Variants in TMEM273 observed in about 807,000 individuals in gnomAD.
TMEM273 encodes the protein transmembrane protein 273, also known as chromosome 10 open reading frame 128.
TMEM273 carries 19 observed loss-of-function variants against 17.9 expected under a neutral mutation model. That is an observed-to-expected ratio of 1.06 (90% confidence interval 0.74 to 1.55). The LOEUF (loss-of-function observed/expected upper bound fraction) is 1.55, where lower values mean the gene tolerates loss of function less well. Ranked by LOEUF, TMEM273 falls within the 40% of genes most tolerant of loss-of-function variation. The pLI is 0.00. For missense variants in TMEM273, 194 were observed against 155.6 expected, an observed-to-expected ratio of 1.25 and a Z score of -1.31; for synonymous variants, 66 against 62.0, an observed-to-expected ratio of 1.07 and a Z score of -0.31.
chr10:49,175,662 G>A (rs996904124), intron 1 of TMEM273, among the ~76,000 whole-genome samples: 3 of 152,256 alleles, frequency 2.0e-5, no homozygotes, highest in Admixed American at 1.3e-4. Flanking sequence ...TGGAGGCGGA[G>A]AGCTGGCCTG....
chr10:49,161,334 C>T, intron 6 of TMEM273: 4 of 546,136 alleles, frequency 7.3e-6, no homozygotes, highest in Non-Finnish European at 3.3e-6. Flanking sequence ...AAAAGTTTAC[C>T]TATCCTGTTA....
At chr10:49,179,052 T>C (rs1266965130) in intron 1 of TMEM273, among the ~76,000 whole-genome samples, 1 of 151,716 alleles carries the variant, frequency 6.6e-6, no homozygotes, top group East Asian at 1.9e-4. Flanking sequence ...CAGGCAGGAG[T>C]TCCCCAACTG....
At chr10:49,165,709 G>T in intron 4 of TMEM273, 57 bp downstream of exon 4, 6 of 1,606,544 alleles carry the variant, frequency 3.7e-6, no homozygotes, top group Non-Finnish European at 5.1e-6. Flanking sequence ...GGAGTGGCAC[G>T]GTCAAGACAG....
At chr10:49,168,990 A>C (rs1315611216) in intron 1 of TMEM273, among the ~76,000 whole-genome samples, 1 of 147,806 alleles carries the variant, frequency 6.8e-6, no homozygotes, top group Non-Finnish European at 1.5e-5. Context: ...TGCCATTCGC[A>C]AAATGAGGAA....
At chr10:49,156,585 T>C (rs1174143346) in intron 6 of TMEM273, among the ~76,000 whole-genome samples, 1 of 152,228 alleles carries the variant, frequency 6.6e-6, no homozygotes. Context: ...AATAGAATGG[T>C]ATATATGCTT....
intron 1 of TMEM273, among the ~76,000 whole-genome samples, chr10:49,185,921 T>C (rs1847637497): frequency 6.6e-6 from 1 of 151,120 alleles, no homozygotes. Flanking sequence ...GAGGTTGCGG[T>C]GAGCCGAGAT....
Position 49,155,527 on chromosome 10 carries a change from G to A in TMEM273, c.*365C>T, listed in dbSNP as rs1020406156. 1.9e-5 allele frequency: 6 copies of A among 315,930 alleles called. No homozygotes were observed. Among genetic ancestry groups the A allele is most frequent in the South Asian group, 1.4e-4 (3 of 20,696 alleles). The allele number at this position is 315,930 out of a possible 1,614,324, so 19.6% of individuals were successfully genotyped here. On this transcript the variant is annotated 3_prime_UTR_variant, in exon 7 of 7. Coordinates refer to ENST00000374153, the MANE Select transcript of TMEM273 (RefSeq NM_001288740.3). ...TGTGTAGGAAGCTGTGTGTTGGGTC[G>A]GATTCCCCTTTTCATGAGCCATTTT... is the stretch of plus-strand genomic sequence containing the variant.
chr10:49,165,588 C>T (rs1195622914), intron 4 of TMEM273, among the ~76,000 whole-genome samples, 178 bp downstream of exon 4: 1 of 152,218 alleles, frequency 6.6e-6, no homozygotes, highest in East Asian at 1.9e-4. Flanking sequence ...TCTTGTGACA[C>T]CTGCCCACTG....
chr10:49,156,157 C>G lies in TMEM273; in HGVS notation c.373-248G>C, dbSNP rs753479358. The stretch of plus-strand genomic sequence containing the variant: ...CCCAAGGCAAACAAAACTTCATCCA[C>G]TTTGATGACAAAAAGAGAAGTCATT... On this transcript the variant is annotated intron_variant, in intron 6 of 6. Coordinates refer to ENST00000374153, the MANE Select transcript of TMEM273 (RefSeq NM_001288740.3). 6 of 1,521,614 alleles carry G rather than the reference C, an allele frequency of 3.9e-6. No individual in the cohort carries two copies. In the South Asian group the frequency reaches 7.2e-5, roughly 18 times the overall value. The allele number at this position is 1,521,614 out of a possible 1,614,324, so 94.3% of individuals were successfully genotyped here.
intron 1 of TMEM273, among the ~76,000 whole-genome samples, chr10:49,182,095 T>C (rs1327808609): frequency 6.6e-6 from 1 of 152,250 alleles, no homozygotes; most frequent in African/African-American, 2.4e-5. Context: ...TTTCAGCCTC[T>C]TCCTTGACCT....
At chr10:49,160,345 G>GTA (rs1845766708) in intron 6 of TMEM273, 1 of 152,058 alleles carries the variant, frequency 6.6e-6, no homozygotes. Flanking sequence ...TCACTTCATG[G>GTA]TATTTCTGAC....
chr10:49,186,436 G>A (rs553369230), intron 1 of TMEM273, among the ~76,000 whole-genome samples: 2 of 152,230 alleles, frequency 1.3e-5, no homozygotes, highest in African/African-American at 2.4e-5. Context: ...CTGGGTGAAG[G>A]GTTATGAACA....
intron 1 of TMEM273, among the ~76,000 whole-genome samples, chr10:49,181,291 T>C (rs75345907): frequency 0.049 from 7,477 of 152,288 alleles, 268 homozygotes; most frequent in African/African-American, 0.064. Flanking sequence ...TCTCCCCAGA[T>C]TGATCTATAG....
Position 49,167,831 on chromosome 10 carries a change from G to A in TMEM273, c.97+78C>T, listed in dbSNP as rs537174987. On this transcript the variant is annotated intron_variant, in intron 2 of 6. Coordinates refer to ENST00000374153, the MANE Select transcript of TMEM273 (RefSeq NM_001288740.3). ...AGCAGGGAACCAATTCCAGCACTGC[G>A]GCCCTCTGCTTGCTTGTCTTGGGAG... is the stretch of plus-strand genomic sequence containing the variant. 9.3e-5 allele frequency: 145 copies of A among 1,563,800 alleles called. 1 individual carries two copies. In the South Asian group the frequency reaches 1.1e-3, roughly 12 times the overall value.
chr10:49,177,467 G>T lies in TMEM273; in HGVS notation c.44-9505C>A, dbSNP rs1014464861. Among the ~76,000 whole-genome samples the T allele has an allele frequency of 2.6e-5, 4 of 152,216 alleles. 1 individual carries two copies. In the South Asian group the frequency reaches 8.3e-4, roughly 32 times the overall value. On this transcript the variant is annotated intron_variant, in intron 1 of 6. Transcript: ENST00000374153. ...AAGATAAAAAAGAAAAAAATTCTTC[G>T]CATTTGCATTTGTGTGTGTACGTGG... is the stretch of plus-strand genomic sequence containing the variant.
chr10:49,180,950 A>G (rs1847305523), intron 1 of TMEM273, among the ~76,000 whole-genome samples: 2 of 152,250 alleles, frequency 1.3e-5, no homozygotes, highest in African/African-American at 4.8e-5. Flanking sequence ...AAGGCATACT[A>G]TTCAGGAAGG....
At chr10:49,187,618 C>T (rs1847806313) in intron 1 of TMEM273, among the ~76,000 whole-genome samples, 1 of 152,142 alleles carries the variant, frequency 6.6e-6, no homozygotes, top group Non-Finnish European at 1.5e-5. Flanking sequence ...CTCTCTATGT[C>T]TCTGTCTGTC....
chr10:49,165,215 C>T lies in TMEM273; in HGVS notation c.338G>A (p.Gly113Asp), dbSNP rs916921787. The T allele has an allele frequency of 4.5e-6, 7 of 1,549,576 alleles. No homozygotes were observed. The Admixed American group carries it at 1.2e-4, about 26-fold the overall frequency. ...LLQCHHCIME[G>D]LFKAKPQFLQ... The stretch of plus-strand genomic sequence containing the variant: ...GAGAGGGGATTGTACCTTAAATAGG[C>T]CCTCCATGATGCAGTGGTGACACTG... The change falls in exon 5 of 7, where the codon GGC becomes GAC. Residue 113 changes from glycine (G) to aspartate (D), a missense_variant. Gly to Asp is a moderately conservative substitution (Grantham distance 94). Coordinates refer to ENST00000374153, the MANE Select transcript of TMEM273 (RefSeq NM_001288740.3).
In TMEM273 at chr10:49,179,261, C is replaced by T. The variant is rs141159189; in HGVS notation, c.43+9033G>A. ...AAGTGGAGATAGTTTAATTTGGGAGCTAGTGAAAAGGTCTGCTGAGTATGT... is the reference window on the plus strand; with the variant it reads ...AAGTGGAGATAGTTTAATTTGGGAGTTAGTGAAAAGGTCTGCTGAGTATGT... On this transcript the variant is annotated intron_variant, in intron 1 of 6. Transcript: ENST00000374153. Among the ~76,000 whole-genome samples the T allele has an allele frequency of 3.9e-5, 6 of 152,328 alleles. No individual in the cohort carries two copies. In the East Asian group the frequency reaches 1.2e-3, roughly 29 times the overall value.
Sources: allele counts gnomAD v4.1 joint callset (sites outside exome capture counted in the v4.1 genomes callset), GRCh38; gene constraint gnomAD v4.1.1; transcripts MANE v1.5; gene names NCBI Gene and HGNC (gene_info 2026-07-23, HGNC 2026-07-21).